The following SV2C variants were observed in gnomAD, a reference collection of about 807,000 sequenced individuals.
The protein encoded by SV2C is solute carrier family 22 member B3.
SV2C carries 49 observed loss-of-function variants against 79.7 expected under a neutral mutation model. The observed-to-expected ratio is 0.61, with a 90% CI of 0.49 to 0.78. SV2C has a LOEUF of 0.78. Among genes scored for constraint, SV2C ranks in the 30% least tolerant of loss-of-function variants. The pLI, the probability that SV2C is intolerant of heterozygous loss-of-function variation, is 0.00. For missense variants in SV2C, 833 were observed against 912.9 expected (o/e 0.91, Z 1.13); for synonymous variants, 334 against 333.2 (o/e 1.00, Z -0.03).
At chr5:76,170,870 C>T (rs1333066314) in intron 2 of SV2C, 1 of 297,690 alleles carries the variant, frequency 3.4e-6, no homozygotes, top group African/African-American at 2.4e-5. Flanking sequence ...CGCTGCGGCC[C>T]GGGGCAGTGC....
intron 2 of SV2C, chr5:76,174,059 T>C (rs1743432765): frequency 6.3e-7 from 1 of 1,578,344 alleles, no homozygotes; most frequent in Middle Eastern, 1.7e-4. Context: ...TTCAACTTGC[T>C]CTCTATAAGA....
chr5:76,311,518 G>A (rs1748439726), intron 12 of SV2C: 1 of 152,150 alleles, frequency 6.6e-6, no homozygotes, highest in African/African-American at 2.4e-5. Context: ...GAAGAGCAGG[G>A]CAAAATGATA....
chr5:76,215,609 A>C (rs1483809616), intron 4 of SV2C, among the ~76,000 whole-genome samples: 2 of 152,236 alleles, frequency 1.3e-5, no homozygotes, highest in African/African-American at 4.8e-5. Context: ...ATGATGCCAC[A>C]GTCCACAGAA....
the SV2C span, among the ~76,000 whole-genome samples, chr5:75,967,846 G>C: frequency 6.6e-6 from 1 of 152,236 alleles, no homozygotes; most frequent in Non-Finnish European, 1.5e-5. Flanking sequence ...CACGCAGCTT[G>C]AGATCTGAGA....
At chr5:76,165,350 T>C (rs1159195565) in intron 2 of SV2C, among the ~76,000 whole-genome samples, 1 of 152,188 alleles carries the variant, frequency 6.6e-6, no homozygotes, top group Admixed American at 6.5e-5. Context: ...TTACATCCAC[T>C]GTTGTTTCTG....
At chr5:76,156,265 C>A (rs1580313652) in intron 2 of SV2C, among the ~76,000 whole-genome samples, 1 of 152,094 alleles carries the variant, frequency 6.6e-6, no homozygotes, top group East Asian at 1.9e-4. Flanking sequence ...TGCCAAAGCC[C>A]TATTAGGGTA....
At chr5:76,351,636 A>G (rs1452365703) in intron 12 of SV2C, among the ~76,000 whole-genome samples, 1 of 152,154 alleles carries the variant, frequency 6.6e-6, no homozygotes, top group East Asian at 1.9e-4. Flanking sequence ...ACCCTGCCAC[A>G]GTGGAAATGT....
chr5:76,037,316 G>T, the SV2C span, among the ~76,000 whole-genome samples: 1 of 152,190 alleles, frequency 6.6e-6, no homozygotes, highest in Non-Finnish European at 1.5e-5. Context: ...AGGAGGAGAG[G>T]CGCTCTGCTT....
At chr5:76,322,155 G>A (rs964321814) in intron 12 of SV2C, among the ~76,000 whole-genome samples, 1 of 152,032 alleles carries the variant, frequency 6.6e-6, no homozygotes, top group Non-Finnish European at 1.5e-5. Context: ...ATTAATAAAA[G>A]AAAATAGAAA....
chr5:76,048,619 C>T, the SV2C span, among the ~76,000 whole-genome samples: 1 of 151,972 alleles, frequency 6.6e-6, no homozygotes, highest in Non-Finnish European at 1.5e-5. Context: ...GGTCATAATC[C>T]AGCCTGACTG....
chr5:76,238,737 A>G (rs1019727364), intron 4 of SV2C, among the ~76,000 whole-genome samples: 3 of 152,148 alleles, frequency 2.0e-5, no homozygotes, highest in African/African-American at 7.2e-5. Flanking sequence ...CGAACAATTC[A>G]TTTTCCATAT....
At chr5:76,179,338 A>G (rs1221136898) in intron 2 of SV2C, among the ~76,000 whole-genome samples, 1 of 152,218 alleles carries the variant, frequency 6.6e-6, no homozygotes, top group Non-Finnish European at 1.5e-5. Context: ...AACGTGCCTT[A>G]TCTTAGGTTT....
chr5:76,268,412 A>G (rs1746733962), intron 4 of SV2C, among the ~76,000 whole-genome samples: 1 of 152,124 alleles, frequency 6.6e-6, no homozygotes. Context: ...TGAAGAGAAC[A>G]CTGATTCCCA....
At chr5:76,232,643 A>G (rs1464742892) in intron 4 of SV2C, among the ~76,000 whole-genome samples, 1 of 148,724 alleles carries the variant, frequency 6.7e-6, no homozygotes, top group Admixed American at 6.6e-5. Flanking sequence ...ATCCAGTTTC[A>G]GCTTTCTACA....
the SV2C span, among the ~76,000 whole-genome samples, chr5:75,946,342 T>C: frequency 6.6e-6 from 1 of 152,134 alleles, no homozygotes; most frequent in Non-Finnish European, 1.5e-5. Flanking sequence ...TCCATTGAAT[T>C]ACCTTTGCTT....
At chr5:76,061,518 G>C in the SV2C span, among the ~76,000 whole-genome samples, 5 of 152,058 alleles carry the variant, frequency 3.3e-5, no homozygotes, top group African/African-American at 1.2e-4. Context: ...CTTTATTCCA[G>C]CAAGGAACCC....
the SV2C span, among the ~76,000 whole-genome samples, chr5:75,922,598 C>T: frequency 0.076 from 11,570 of 152,182 alleles, 482 homozygotes; most frequent in Admixed American, 0.1. Flanking sequence ...ATTTCCTCAC[C>T]CTGGGAATAA....
chr5:76,084,544 G>GGGCGTGCGGGGACCTTAGGC (rs1747107961), intron 1 of SV2C, among the ~76,000 whole-genome samples: 1 of 150,468 alleles, frequency 6.6e-6, no homozygotes, highest in Non-Finnish European at 1.5e-5. Flanking sequence ...GCAGATCTGT[G>GGGCGTGCGGGGACCTTAGGC]GGCGTGCGGG....
At chr5:76,023,093 G>A in the SV2C span, among the ~76,000 whole-genome samples, 2 of 152,192 alleles carry the variant, frequency 1.3e-5, no homozygotes, top group Non-Finnish European at 2.9e-5. Flanking sequence ...CTGATTCACA[G>A]TGACACCCAA....
Sources: gnomAD v4.1 joint callset for allele counts (sites outside exome capture counted in the v4.1 genomes callset) on GRCh38, gnomAD v4.1.1 for gene constraint, MANE v1.5 for transcripts, NCBI Gene and HGNC (gene_info 2026-07-23, HGNC 2026-07-21) for gene names.